CCNI2: variants seen among roughly 807,000 people sequenced by gnomAD.
CCNI2 encodes the protein cyclin I family member 2, also known as cyclin-I2.
In CCNI2, 32 loss-of-function variants were observed where a neutral mutation model predicts 33.2. That is an observed-to-expected ratio of 0.96 (90% confidence interval 0.73 to 1.30). CCNI2 has a LOEUF of 1.30. Ranked by LOEUF, CCNI2 falls within the 50% of genes most tolerant of loss-of-function variation. CCNI2 has a pLI of 0.00. For missense variants in CCNI2, 452 were observed against 486.2 expected (o/e 0.93, Z 0.66); for synonymous variants, 231 against 219.9 (o/e 1.05, Z -0.45).
intron 4 of CCNI2, 196 bp from the exon 5 acceptor site, chr5:132,751,770 C>G: frequency 1.7e-6 from 1 of 604,294 alleles, no homozygotes; most frequent in East Asian, 2.9e-5. Context: ...TTTTTTTGGT[C>G]CCGGAGTGGA....
At position 132,752,985 on chromosome 5, in the gene CCNI2, C is replaced by G; in HGVS notation, c.*15C>G. ...CTGCCAACTAGCCCCTCTGCCTCCA[C>G]CCCGGGGCTTTCAGAGCATAGTGTG... On this transcript the variant is annotated 3_prime_UTR_variant, in exon 6 of 6. Transcript: ENST00000378731. 1 of 1,602,520 alleles carries G rather than the reference C, an allele frequency of 6.2e-7. No individual in the cohort carries two copies. Among genetic ancestry groups the G allele is most frequent in the Non-Finnish European group, 8.5e-7 (1 of 1,169,808 alleles).
Position 132,747,528 on chromosome 5 carries a change from G to A in CCNI2, c.33G>A (p.Pro11=), listed in dbSNP as rs1754640920. 2 of 1,502,374 alleles carry A rather than the reference G, an allele frequency of 1.3e-6. No homozygotes were observed. Among genetic ancestry groups the A allele is most frequent in the Non-Finnish European group, 1.8e-6 (2 of 1,133,312 alleles). The allele number at this position is 1,502,374 out of a possible 1,614,324, so 93.1% of individuals were successfully genotyped here. A position where few individuals can be genotyped will look rare whatever the true frequency, so the allele number is the denominator to read the frequency against. The part of the protein sequence containing the change: MASGAQLPPQ[P]SSSEVSAVQS... The stretch of plus-strand genomic sequence containing the variant: ...CGGGCGCTCAGCTCCCGCCGCAGCC[G>A]TCGAGCTCAGAGGTCAGCGCCGTCC... The change falls in exon 1 of 6, where the codon CCG becomes CCA. Residue 11 remains proline (P), a synonymous_variant. Coordinates refer to ENST00000378731, the MANE Select transcript of CCNI2 (RefSeq NM_001039780.4). The surrounding 1 kb of genome is among the most constrained non-coding windows in gnomAD (Gnocchi z 4.1).
At position 132,748,180 on chromosome 5, in the gene CCNI2, A is replaced by T. The variant is rs548413764; in HGVS notation, c.430-167A>T. On this transcript the variant is annotated intron_variant, in intron 1 of 5. Transcript: ENST00000378731. ...AAAGTGGGCGCGAGGGGTGGGGGTG[A>T]TGGGTGAGCCGCTGCGCCGGGGGGC... 5.3e-5 allele frequency among the ~76,000 whole-genome samples: 8 copies of T among 152,264 alleles called. No individual in the cohort carries two copies. The South Asian group carries it at 1.7e-3, about 32-fold the overall frequency.
chr5:132,751,060 T>G, intron 4 of CCNI2, 63 bp downstream of exon 4: 2 of 1,583,548 alleles, frequency 1.3e-6, no homozygotes, highest in Non-Finnish European at 1.7e-6. Context: ...AACAGCTGTT[T>G]ACAACATGGG....
Position 132,754,350 on chromosome 5 carries a change from C to T in CCNI2, c.*1380C>T. On this transcript the variant is annotated 3_prime_UTR_variant, in exon 6 of 6. Coordinates refer to ENST00000378731, the MANE Select transcript of CCNI2 (RefSeq NM_001039780.4). ...GGTGGCCGTTGAGTGCCCTCTGCCT[C>T]CTTCCTTCCAGTGTAAGTGGGACCA... is the stretch of plus-strand genomic sequence containing the variant. The T allele has an allele frequency of 2.8e-6, 2 of 713,960 alleles. No homozygotes were observed. Among genetic ancestry groups the T allele is most frequent in the South Asian group, 3.0e-5 (2 of 67,160 alleles). The allele number at this position is 713,960 out of a possible 1,614,324, so 44.2% of individuals were successfully genotyped here. A position where few individuals can be genotyped will look rare whatever the true frequency, so the allele number is the denominator to read the frequency against.
At position 132,747,745 on chromosome 5, in the gene CCNI2, CCAG is replaced by C; in HGVS notation, c.252_254del (p.Ala85del). 2 of 1,470,894 alleles carry C rather than the reference CCAG, an allele frequency of 1.4e-6. No individual in the cohort carries two copies. The highest frequency in any genetic ancestry group is 1.8e-6 in the Non-Finnish European group (2 of 1,119,416). 91.1% of individuals were successfully genotyped at this position (1,470,894 alleles called of 1,614,324 possible). A position where few individuals can be genotyped will look rare whatever the true frequency, so the allele number is the denominator to read the frequency against. On this transcript the variant is annotated inframe_deletion, in exon 1 of 6. Transcript: ENST00000378731. The surrounding 1 kb of genome is among the most constrained non-coding windows in gnomAD (Gnocchi z 4.1). Reference sequence around the variant, plus strand: ...CGTGCGGCCCCGGCGCGGTACGGCGCCAGCCGGGAAAACCGCAGACGCGGTCCC... The same window carrying C: ...CGTGCGGCCCCGGCGCGGTACGGCGCCCGGGAAAACCGCAGACGCGGTCCC...
At chr5:132,750,782 A>C in intron 3 of CCNI2, 75 bp from the exon 4 acceptor site, 1 of 1,485,084 alleles carries the variant, frequency 6.7e-7, no homozygotes, top group East Asian at 2.3e-5. Flanking sequence ...ATGAATGCCC[A>C]GTCCCCATGG....
In CCNI2 at chr5:132,747,973, A is replaced by G. The variant is rs1253107193; in HGVS notation, c.429+49A>G. On this transcript the variant is annotated intron_variant, in intron 1 of 5. Transcript: ENST00000378731. This position sits in a 1 kb window ranked among gnomAD's most constrained non-coding sequence, Gnocchi z 4.1. Reference sequence around the variant, plus strand: ...CTCCTCGCGCGTGCACGGCAGGCGGATGTGGCCTCCACCTGCACCCGCGCT... The same window carrying G: ...CTCCTCGCGCGTGCACGGCAGGCGGGTGTGGCCTCCACCTGCACCCGCGCT... The G allele has an allele frequency of 1.5e-6, 2 of 1,350,742 alleles. No individual in the cohort carries two copies. The highest frequency in any genetic ancestry group is 1.9e-6 in the Non-Finnish European group (2 of 1,055,696). 83.7% of individuals were successfully genotyped at this position (1,350,742 alleles called of 1,614,324 possible).
intron 5 of CCNI2, 124 bp from the exon 6 acceptor site, chr5:132,752,742 G>A: frequency 1.4e-6 from 1 of 698,104 alleles, no homozygotes; most frequent in Non-Finnish European, 2.5e-6. Flanking sequence ...TAGGATTAGT[G>A]GTCCTTAGTT....
rs977459429 is a variant in CCNI2 at position 132,753,196 on chromosome 5, C to T, written c.*226C>T. On this transcript the variant is annotated 3_prime_UTR_variant, in exon 6 of 6. Transcript: ENST00000378731. ...CAGGGTGGTCTGATAGACTATGACC[C>T]TGTCTTCCCTTTTTCTCCTCTGGGC... is the stretch of plus-strand genomic sequence containing the variant. 5.9e-6 allele frequency: 3 copies of T among 508,142 alleles called. No individual in the cohort carries two copies. The highest frequency in any genetic ancestry group is 1.1e-5 in the Non-Finnish European group (3 of 283,110). 31.5% of individuals were successfully genotyped at this position (508,142 alleles called of 1,614,324 possible).
chr5:132,751,189 C>T, intron 4 of CCNI2, 192 bp downstream of exon 4: 1 of 514,366 alleles, frequency 1.9e-6, no homozygotes, highest in Non-Finnish European at 3.3e-6. Flanking sequence ...TTCCACCAGA[C>T]TCCCACTTCT....
chr5:132,751,911 G>A (rs747439972), intron 4 of CCNI2, 55 bp from the exon 5 acceptor site: 107 of 1,534,200 alleles, frequency 7.0e-5, no homozygotes, highest in Non-Finnish European at 8.5e-5. Context: ...TTTGATCATT[G>A]ATATAGGAAA....
At position 132,749,356 on chromosome 5, in the gene CCNI2, GA is replaced by G. The variant is rs1316346987; in HGVS notation, c.570del (p.Lys190AsnfsTer11). ...TTTGTTCCATACTGCAGGTAAAAGA[GA>G]AATACCTGCATTGCGCCACAATTAC... is the stretch of plus-strand genomic sequence containing the variant. ...RLLISVKVKE[K>X]YLHCATITSL... On this transcript the variant is annotated frameshift_variant, in exon 3 of 6. Coordinates refer to ENST00000378731, the MANE Select transcript of CCNI2 (RefSeq NM_001039780.4). LOFTEE classifies it high-confidence loss of function. The G allele has an allele frequency of 1.2e-6, 2 of 1,613,278 alleles. No homozygotes were observed. The highest frequency in any genetic ancestry group is 1.7e-6 in the Non-Finnish European group (2 of 1,179,312).
chr5:132,754,122 G>A lies in CCNI2; in HGVS notation c.*1152G>A, dbSNP rs1055030343. 8.2e-6 allele frequency: 3 copies of A among 366,978 alleles called. No individual in the cohort carries two copies. The highest frequency in any genetic ancestry group is 6.1e-5 in the African/African-American group (3 of 48,856). The allele number at this position is 366,978 out of a possible 1,614,324, so 22.7% of individuals were successfully genotyped here. On this transcript the variant is annotated 3_prime_UTR_variant, in exon 6 of 6. Coordinates refer to ENST00000378731, the MANE Select transcript of CCNI2 (RefSeq NM_001039780.4). ...CTGTATTTTTTCTTGACACACTTTT[G>A]CTTGTTGGTGCTTTCGTTAAAATTA...
rs116024911 is a variant in CCNI2 at position 132,747,465 on chromosome 5, G to A, written c.-31G>A. ...TGGGTTATAAAATGCCGGGTTAAGC[G>A]GCAACTCAGACTCAGGATCCCGCTC... is the stretch of plus-strand genomic sequence containing the variant. On this transcript the variant is annotated 5_prime_UTR_variant, in exon 1 of 6. Transcript: ENST00000378731. This position sits in a 1 kb window ranked among gnomAD's most constrained non-coding sequence, Gnocchi z 4.1. The A allele has an allele frequency of 1.8e-3, 2,474 of 1,413,360 alleles. 18 individuals are homozygous for A. The highest frequency in any genetic ancestry group is 0.016 in the African/African-American group (1,049 of 66,654). The allele number at this position is 1,413,360 out of a possible 1,614,324, so 87.6% of individuals were successfully genotyped here. A position where few individuals can be genotyped will look rare whatever the true frequency, so the allele number is the denominator to read the frequency against.
downstream of CCNI2, chr5:132,755,888 C>G: frequency 1.2e-6 from 1 of 839,126 alleles, no homozygotes; most frequent in Non-Finnish European, 1.4e-6. Context: ...AGTAGATCAA[C>G]CTCCACAAAA....
In CCNI2 at chr5:132,747,683, G is replaced by C. The variant is rs1335669277; in HGVS notation, c.188G>C (p.Gly63Ala). ...AGGTGCCCTGGGACCCGCCAGCCCG[G>C]AGCGGCCTCCCTCCACGCGGCGTCC... ...RSRCPGTRQP[G>A]AASLHAASAA... The change falls in exon 1 of 6, where the codon GGA (glycine) becomes GCA (alanine). Residue 63 changes from glycine (G) to alanine (A), a missense_variant. Transcript: ENST00000378731. The surrounding 1 kb of genome is among the most constrained non-coding windows in gnomAD (Gnocchi z 4.1). 1 of 1,500,156 alleles carries C rather than the reference G, an allele frequency of 6.7e-7. No homozygotes were observed. The highest frequency in any genetic ancestry group is 8.8e-7 in the Non-Finnish European group (1 of 1,131,984). The allele number at this position is 1,500,156 out of a possible 1,614,324, so 92.9% of individuals were successfully genotyped here.
Position 132,747,989 on chromosome 5 carries a change from C to T in CCNI2, c.429+65C>T. On this transcript the variant is annotated intron_variant, in intron 1 of 5. Coordinates refer to ENST00000378731, the MANE Select transcript of CCNI2 (RefSeq NM_001039780.4). The surrounding 1 kb of genome is among the most constrained non-coding windows in gnomAD (Gnocchi z 4.1). ...GGCAGGCGGATGTGGCCTCCACCTG[C>T]ACCCGCGCTCGGGTGTTCTGAAACT... 1 of 1,338,860 alleles carries T rather than the reference C, an allele frequency of 7.5e-7. No homozygotes were observed. Among genetic ancestry groups the T allele is most frequent in the Non-Finnish European group, 9.6e-7 (1 of 1,041,886 alleles). 82.9% of individuals were successfully genotyped at this position (1,338,860 alleles called of 1,614,324 possible).
In CCNI2 at chr5:132,753,680, G is replaced by A. The variant is rs1290600668; in HGVS notation, c.*710G>A. ...CTAGAGGGATTTTGTGCTAATGAAT[G>A]GGTATTATAGGCTAACACCTGTGAT... On this transcript the variant is annotated 3_prime_UTR_variant, in exon 6 of 6. Coordinates refer to ENST00000378731, the MANE Select transcript of CCNI2 (RefSeq NM_001039780.4). The A allele has an allele frequency of 1.3e-5, 2 of 152,476 alleles. No individual in the cohort carries two copies. Among genetic ancestry groups the A allele is most frequent in the Non-Finnish European group, 2.9e-5 (2 of 68,232 alleles). 9.4% of individuals were successfully genotyped at this position (152,476 alleles called of 1,614,324 possible).
Sources: gnomAD v4.1 joint callset for allele counts (sites outside exome capture counted in the v4.1 genomes callset) on GRCh38, gnomAD v4.1.1 for gene constraint, Gnocchi (gnomAD v3.1) non-coding constraint, MANE v1.5 for transcripts, NCBI Gene and HGNC (gene_info 2026-07-23, HGNC 2026-07-21) for gene names.